Variants in SLC25A21 observed in about 807,000 individuals in gnomAD.
The protein encoded by SLC25A21 is solute carrier family 25 member 21.
In SLC25A21, 47 loss-of-function variants were observed where a neutral mutation model predicts 43.8. The ratio of observed to expected loss-of-function variants is 1.07; its 90% CI spans 0.85 to 1.37. The LOEUF (loss-of-function observed/expected upper bound fraction) is 1.37, where lower values mean the gene tolerates loss of function less well. SLC25A21 is among the 40% of genes most tolerant of loss of function. The pLI is 0.00. For synonymous variants in SLC25A21, 131 were observed against 121.3 expected (o/e 1.08, Z -0.52); for missense variants, 352 against 350.2 (o/e 1.00, Z -0.04).
chr14:36,691,672 A>T (rs572901878), intron 7 of SLC25A21, among the ~76,000 whole-genome samples: 1 of 152,346 alleles, frequency 6.6e-6, no homozygotes, highest in African/African-American at 2.4e-5. Context: ...TTGGCAATAT[A>T]GTGAGACTGT....
Position 37,120,677 on chromosome 14 carries a change from G to A in SLC25A21, c.70+51604C>T, listed in dbSNP as rs896140141. On this transcript the variant is annotated intron_variant, in intron 1 of 9. Transcript: ENST00000331299. ...TGGGCCATTCCTAAGCTTAGTTACC[G>A]GGCATGTCAGCTCAACTGTGGGGAA... Among the ~76,000 whole-genome samples, 15 of 152,076 alleles carry A rather than the reference G, an allele frequency of 9.9e-5. No individual in the cohort carries two copies. In the South Asian group the frequency reaches 1.5e-3, roughly 15 times the overall value.
rs565717825 is a variant in SLC25A21 at position 36,906,734 on chromosome 14, G to T, written c.71-31730C>A. Among the ~76,000 whole-genome samples, 3 of 152,160 alleles carry T rather than the reference G, an allele frequency of 2.0e-5. No homozygotes were observed. In the South Asian group the frequency reaches 6.2e-4, roughly 32 times the overall value. ...TTGGCCAGGATGGTCTCGATCTCCT[G>T]ACCTCATGATCCACCCCCTCAGCCT... On this transcript the variant is annotated intron_variant, in intron 1 of 9. Coordinates refer to ENST00000331299, the MANE Select transcript of SLC25A21 (RefSeq NM_030631.4).
intron 1 of SLC25A21, among the ~76,000 whole-genome samples, chr14:37,029,567 T>A (rs1961163975): frequency 6.6e-6 from 1 of 152,086 alleles, no homozygotes; most frequent in Admixed American, 6.6e-5. Flanking sequence ...CCACCAGTAG[T>A]GTTAGCACAG....
At chr14:36,949,547 C>G (rs1276372997) in intron 1 of SLC25A21, among the ~76,000 whole-genome samples, 2 of 152,212 alleles carry the variant, frequency 1.3e-5, no homozygotes, top group Admixed American at 1.3e-4. Context: ...CCCCTGCCTC[C>G]TCTGCACTTC....
intron 3 of SLC25A21, among the ~76,000 whole-genome samples, chr14:36,749,031 G>A (rs1030212706): frequency 1.3e-5 from 2 of 152,166 alleles, no homozygotes; most frequent in Non-Finnish European, 2.9e-5. Context: ...GCCAATCACC[G>A]AATTTTGGCC....
At chr14:37,060,742 C>T (rs996131027) in intron 1 of SLC25A21, among the ~76,000 whole-genome samples, 1 of 151,936 alleles carries the variant, frequency 6.6e-6, no homozygotes. Flanking sequence ...ACTTAGAAAA[C>T]AAAAACAACT....
intron 1 of SLC25A21, among the ~76,000 whole-genome samples, chr14:37,031,593 G>C (rs1331310112): frequency 2.0e-5 from 3 of 152,120 alleles, no homozygotes; most frequent in Non-Finnish European, 4.4e-5. Flanking sequence ...CAACTTCTCA[G>C]CTTTCTTATC....
At chr14:37,054,148 G>C (rs1023820928) in intron 1 of SLC25A21, among the ~76,000 whole-genome samples, 11 of 152,268 alleles carry the variant, frequency 7.2e-5, no homozygotes, top group Admixed American at 7.2e-4. Flanking sequence ...TTCTCTTGGG[G>C]AACATTCTCT....
At chr14:36,955,960 T>C (rs1204122068) in intron 1 of SLC25A21, among the ~76,000 whole-genome samples, 2 of 152,212 alleles carry the variant, frequency 1.3e-5, no homozygotes, top group Non-Finnish European at 2.9e-5. Flanking sequence ...TTCAACATTA[T>C]GTCAACCTTC....
intron 8 of SLC25A21, among the ~76,000 whole-genome samples, 161 bp from the exon 9 acceptor site, chr14:36,684,041 G>T (rs1566490760): frequency 6.6e-6 from 1 of 152,180 alleles, no homozygotes; most frequent in Non-Finnish European, 1.5e-5. Flanking sequence ...CAGCAAACTG[G>T]ATGCGGGGAA....
At chr14:36,701,400 T>A (rs557297774) in intron 7 of SLC25A21, among the ~76,000 whole-genome samples, 2 of 152,304 alleles carry the variant, frequency 1.3e-5, no homozygotes, top group Non-Finnish European at 2.9e-5. Flanking sequence ...TAAGATCCTA[T>A]CCTTGCAGGG....
rs558130958 is a variant in SLC25A21, at chr14:36,816,400, A to G, written c.120-2399T>C. 3.9e-5 allele frequency among the ~76,000 whole-genome samples: 6 copies of G among 152,284 alleles called. No homozygotes were observed. In the South Asian group the frequency reaches 1.2e-3, roughly 32 times the overall value. ...GTGAGAAATAATGGTGCTAGAATAT[A>G]AATAAAGGTGACAGGAATACAACGA... On this transcript the variant is annotated intron_variant, in intron 2 of 9. Coordinates refer to ENST00000331299, the MANE Select transcript of SLC25A21 (RefSeq NM_030631.4).
chr14:36,898,375 C>G (rs1435805323), intron 1 of SLC25A21, among the ~76,000 whole-genome samples: 1 of 152,194 alleles, frequency 6.6e-6, no homozygotes, highest in Non-Finnish European at 1.5e-5. Flanking sequence ...TTGCTAAGAC[C>G]GTTGGAAAAG....
At chr14:37,135,059 T>C (rs550957677) in intron 1 of SLC25A21, among the ~76,000 whole-genome samples, 301 of 151,882 alleles carry the variant, frequency 2.0e-3, no homozygotes, top group Non-Finnish European at 3.6e-3. Context: ...TCCCGAGTAG[T>C]TGAGATTACA....
At chr14:36,815,340 A>C (rs774135439) in intron 2 of SLC25A21, among the ~76,000 whole-genome samples, 1 of 152,188 alleles carries the variant, frequency 6.6e-6, no homozygotes, top group Non-Finnish European at 1.5e-5. Context: ...GTAAAAAAAA[A>C]AAATACAGAG....
chr14:36,907,830 A>G (rs1413118981), intron 1 of SLC25A21, among the ~76,000 whole-genome samples: 1 of 152,210 alleles, frequency 6.6e-6, no homozygotes, highest in Non-Finnish European at 1.5e-5. Context: ...AAATATTTGT[A>G]TTAGGGCAGC....
At chr14:36,987,935 T>A (rs1477651115) in intron 1 of SLC25A21, among the ~76,000 whole-genome samples, 2 of 152,212 alleles carry the variant, frequency 1.3e-5, no homozygotes, top group African/African-American at 4.8e-5. Context: ...GTATTGCTTT[T>A]CATTATGTTT....
At chr14:36,682,144 C>CT (rs1327158215) in intron 9 of SLC25A21, among the ~76,000 whole-genome samples, 5 of 151,074 alleles carry the variant, frequency 3.3e-5, no homozygotes, top group East Asian at 1.9e-4. Context: ...CCTTTCTTTT[C>CT]TTTTTTTTAC....
chr14:36,970,660 G>A (rs10129740), intron 1 of SLC25A21, among the ~76,000 whole-genome samples: 3,944 of 152,198 alleles, frequency 0.026, 146 homozygotes, highest in African/African-American at 0.084. Context: ...GCTGCACACC[G>A]ATCCTGAGCA....
Sources: gnomAD v4.1 joint callset for allele counts (sites outside exome capture counted in the v4.1 genomes callset) on GRCh38, gnomAD v4.1.1 for gene constraint, MANE v1.5 for transcripts, NCBI Gene and HGNC (gene_info 2026-07-23, HGNC 2026-07-21) for gene names.